RORA: variants seen among roughly 807,000 people sequenced by gnomAD.
The protein encoded by RORA is nuclear receptor ROR-alpha.
RORA carries 7 observed loss-of-function variants against 69.5 expected under a neutral mutation model. The observed-to-expected ratio is 0.10, with a 90% CI of 0.06 to 0.19. RORA has a LOEUF of 0.19. RORA is among the 10% of genes least tolerant of loss of function. The pLI is 1.00. For synonymous variants in RORA, 261 were observed against 240.8 expected, an observed-to-expected ratio of 1.08 and a Z score of -0.78; for missense variants, 457 against 663.0, an observed-to-expected ratio of 0.69 and a Z score of 3.41.
intron 2 of RORA, among the ~76,000 whole-genome samples, chr15:60,617,712 A>G (rs2069290646): frequency 1.3e-5 from 2 of 151,298 alleles, no homozygotes; most frequent in South Asian, 4.2e-4. Flanking sequence ...AGAGAGAGAA[A>G]CCTAAAACTG....
chr15:60,791,374 A>G (rs2072414610), intron 1 of RORA, among the ~76,000 whole-genome samples: 1 of 152,272 alleles, frequency 6.6e-6, no homozygotes, highest in Non-Finnish European at 1.5e-5. Flanking sequence ...TCTACACACA[A>G]TAATTTTTAA....
Position 61,147,766 on chromosome 15 carries a change from C to CGTGT in RORA, c.166+81283_166+81286dup, listed in dbSNP as rs10523030. On this transcript the variant is annotated intron_variant, in intron 1 of 10. Transcript: ENST00000335670. This position sits in a 1 kb window ranked among gnomAD's most constrained non-coding sequence, Gnocchi z 4.1. The stretch of plus-strand genomic sequence containing the variant: ...TGGTCAGTAGGCACGTGCGCACACG[C>CGTGT]GTGTGTGTGTGTGTGTGTGTGTGTG... Among the ~76,000 whole-genome samples the CGTGT allele has an allele frequency of 0.01, 1,543 of 147,684 alleles. 25 individuals are homozygous for CGTGT. Among genetic ancestry groups the CGTGT allele is most frequent in the African/African-American group, 0.029 (1,152 of 40,250 alleles).
At chr15:60,881,764 C>A (rs1025268657) in intron 1 of RORA, among the ~76,000 whole-genome samples, 1 of 152,178 alleles carries the variant, frequency 6.6e-6, no homozygotes, top group African/African-American at 2.4e-5. Flanking sequence ...CACCTCAAAC[C>A]AGGGGGCCAT....
chr15:60,790,651 T>C (rs1417245051), intron 1 of RORA, among the ~76,000 whole-genome samples: 1 of 152,152 alleles, frequency 6.6e-6, no homozygotes, highest in Non-Finnish European at 1.5e-5. Flanking sequence ...TTCAACTGAG[T>C]CCCCCATGAA....
At chr15:60,516,998 A>C (rs1000359147) in intron 3 of RORA, among the ~76,000 whole-genome samples, 2 of 150,510 alleles carry the variant, frequency 1.3e-5, no homozygotes, top group African/African-American at 5.0e-5. Flanking sequence ...TTGTGGAAAA[A>C]AAGGACACCC....
intron 1 of RORA, among the ~76,000 whole-genome samples, chr15:61,200,488 C>G (rs2079885649): frequency 6.6e-6 from 1 of 152,144 alleles, no homozygotes; most frequent in Non-Finnish European, 1.5e-5. Context: ...AAATGAATCA[C>G]TGACAGACAA....
At chr15:60,682,893 G>A (rs2140756198) in intron 1 of RORA, among the ~76,000 whole-genome samples, 1 of 152,344 alleles carries the variant, frequency 6.6e-6, no homozygotes, top group South Asian at 2.1e-4. Flanking sequence ...GTGGAACCAA[G>A]TTTCTAAACC....
Position 61,197,844 on chromosome 15 carries a change from G to C in RORA, c.166+31209C>G, listed in dbSNP as rs557788081. 4.7e-4 allele frequency among the ~76,000 whole-genome samples: 72 copies of C among 152,214 alleles called. 1 individual carries two copies. The highest frequency in any genetic ancestry group is 6.8e-3 in the Middle Eastern group (2 of 294). ...TGCACATCTCAATGCCTTAGGGAGAGGGTATAACCAGGGAAGAGCCCACCA... is the reference window on the plus strand; with the variant it reads ...TGCACATCTCAATGCCTTAGGGAGACGGTATAACCAGGGAAGAGCCCACCA... On this transcript the variant is annotated intron_variant, in intron 1 of 10. Transcript: ENST00000335670.
At chr15:61,046,276 C>T (rs781707538) in intron 1 of RORA, among the ~76,000 whole-genome samples, 2 of 152,212 alleles carry the variant, frequency 1.3e-5, no homozygotes, top group African/African-American at 2.4e-5. Context: ...GGGCACTGTA[C>T]ACACAGGATG....
At chr15:61,048,884 GCAAAAAACAAA>G (rs1897166534) in intron 1 of RORA, among the ~76,000 whole-genome samples, 1 of 152,090 alleles carries the variant, frequency 6.6e-6, no homozygotes, top group African/African-American at 2.4e-5. Flanking sequence ...TCATCCTGAT[GCAAAAAACAAA>G]ATCACCTTTG....
chr15:60,907,503 T>C (rs887759387), intron 1 of RORA, among the ~76,000 whole-genome samples: 4 of 152,180 alleles, frequency 2.6e-5, no homozygotes, highest in Non-Finnish European at 5.9e-5. Context: ...AGAAGATATC[T>C]CAAGTCACTT....
At chr15:60,698,115 G>C (rs1157761871) in intron 1 of RORA, among the ~76,000 whole-genome samples, 1 of 152,152 alleles carries the variant, frequency 6.6e-6, no homozygotes. Flanking sequence ...TCAAGTCTCA[G>C]TTTCAAGTGA....
chr15:61,211,945 G>C (rs1401281740), intron 1 of RORA: 2 of 152,098 alleles, frequency 1.3e-5, no homozygotes, highest in Non-Finnish European at 2.9e-5. Context: ...TCATAACCAA[G>C]GTCAGCATCC....
At chr15:60,820,375 GAAGA>G (rs945478928) in intron 1 of RORA, among the ~76,000 whole-genome samples, 1 of 152,158 alleles carries the variant, frequency 6.6e-6, no homozygotes, top group African/African-American at 2.4e-5. Flanking sequence ...TGAAAGGAAG[GAAGA>G]GACAGGAAAA....
chr15:60,899,274 A>T (rs898307903), intron 1 of RORA, among the ~76,000 whole-genome samples: 1 of 152,240 alleles, frequency 6.6e-6, no homozygotes, highest in Admixed American at 6.5e-5. Flanking sequence ...TATGAAGAGC[A>T]TGGAACTCTG....
intron 1 of RORA, chr15:61,181,355 T>C (rs566998862): frequency 7.2e-5 from 11 of 152,312 alleles, no homozygotes; most frequent in Middle Eastern, 3.4e-3. Context: ...TGGAAGAACA[T>C]TGAGCTCTTT....
chr15:60,599,513 T>C (rs914360180), intron 2 of RORA, among the ~76,000 whole-genome samples: 68 of 152,170 alleles, frequency 4.5e-4, no homozygotes, highest in African/African-American at 1.6e-3. Flanking sequence ...ATCGTGTCAC[T>C]GCACTCCAGC....
intron 1 of RORA, among the ~76,000 whole-genome samples, chr15:61,117,527 G>A (rs775351839): frequency 3.6e-4 from 54 of 152,058 alleles, no homozygotes; most frequent in Admixed American, 1.2e-3. Context: ...GCAAATATTC[G>A]GCCTTTTCTC....
chr15:60,830,946 C>CGT (rs139740331), intron 1 of RORA, among the ~76,000 whole-genome samples: 1 of 152,064 alleles, frequency 6.6e-6, no homozygotes, highest in African/African-American at 2.4e-5. Flanking sequence ...TGTGCATGCA[C>CGT]GTGTGTGTGT....
Sources: allele counts gnomAD v4.1 joint callset (sites outside exome capture counted in the v4.1 genomes callset), GRCh38; gene constraint gnomAD v4.1.1; non-coding constraint Gnocchi (gnomAD v3.1); transcripts MANE v1.5; gene names NCBI Gene and HGNC (gene_info 2026-07-23, HGNC 2026-07-21).